Variants in KLHL32 observed in about 807,000 individuals in gnomAD.
The protein encoded by KLHL32 is kelch-like protein 32.
A neutral mutation model predicts 64.8 loss-of-function variants in KLHL32; 35 were observed. The observed-to-expected ratio is 0.54, with a 90% CI of 0.41 to 0.72. The LOEUF (loss-of-function observed/expected upper bound fraction) is 0.72, where lower values mean the gene tolerates loss of function less well. KLHL32 is among the 30% of genes least tolerant of loss of function. The pLI, the probability that KLHL32 is intolerant of heterozygous loss-of-function variation, is 0.00. For synonymous variants in KLHL32, 259 were observed against 281.0 expected (o/e 0.92, Z 0.78); for missense variants, 589 against 768.5 (o/e 0.77, Z 2.76).
chr6:96,904,497 TAAAG>T, the KLHL32 span, among the ~76,000 whole-genome samples: 2 of 152,022 alleles, frequency 1.3e-5, no homozygotes, highest in Non-Finnish European at 2.9e-5. Flanking sequence ...TGAAAGAACA[TAAAG>T]AAACACACAT....
At chr6:96,985,657 A>G (rs1776936529) in intron 3 of KLHL32, among the ~76,000 whole-genome samples, 1 of 152,122 alleles carries the variant, frequency 6.6e-6, no homozygotes, top group African/African-American at 2.4e-5. Context: ...CTTCCAGTTG[A>G]TCGAATCAGC....
At chr6:97,005,734 T>A (rs1779587954) in intron 3 of KLHL32, among the ~76,000 whole-genome samples, 1 of 152,226 alleles carries the variant, frequency 6.6e-6, no homozygotes, top group Non-Finnish European at 1.5e-5. Flanking sequence ...AATTTCACTG[T>A]TTACCCAAGT....
At chr6:96,957,566 A>G (rs1773418235) in intron 1 of KLHL32, among the ~76,000 whole-genome samples, 1 of 152,160 alleles carries the variant, frequency 6.6e-6, no homozygotes, top group South Asian at 2.1e-4. Flanking sequence ...TAATAAAAAA[A>G]TTTTCATAGC....
chr6:97,117,628 C>T (rs555357127), intron 7 of KLHL32, among the ~76,000 whole-genome samples: 58 of 152,254 alleles, frequency 3.8e-4, no homozygotes, highest in South Asian at 2.5e-3. Context: ...GCTCCTGTAG[C>T]GTTTGACATT....
intron 6 of KLHL32, among the ~76,000 whole-genome samples, chr6:97,088,335 C>G (rs538954396): frequency 6.6e-6 from 1 of 152,260 alleles, no homozygotes; most frequent in African/African-American, 2.4e-5. Flanking sequence ...TAAAACTGAA[C>G]AAATCAGCTG....
At chr6:96,934,260 A>G (rs1770294829) in intron 1 of KLHL32, among the ~76,000 whole-genome samples, 3 of 152,174 alleles carry the variant, frequency 2.0e-5, no homozygotes, top group Admixed American at 2.0e-4. Flanking sequence ...ACTGTGTGAG[A>G]ATCTGCATTA....
chr6:96,988,325 T>A (rs1238685808), intron 3 of KLHL32, among the ~76,000 whole-genome samples: 6 of 152,188 alleles, frequency 3.9e-5, no homozygotes, highest in Non-Finnish European at 8.8e-5. Flanking sequence ...AAAGAAGACA[T>A]TTATGCAGCC....
chr6:97,041,368 T>C (rs1785089809), intron 3 of KLHL32, 124 bp from the exon 4 acceptor site: 2 of 636,104 alleles, frequency 3.1e-6, no homozygotes, highest in Admixed American at 5.3e-5. Flanking sequence ...TCTAGAAGCA[T>C]TTCAAAAATC....
intron 3 of KLHL32, among the ~76,000 whole-genome samples, chr6:97,029,048 AG>A (rs1783140315): frequency 6.6e-6 from 1 of 152,222 alleles, no homozygotes; most frequent in Non-Finnish European, 1.5e-5. Flanking sequence ...AAATTTTGTG[AG>A]TTACCCAACT....
chr6:97,051,085 C>A (rs1786827672), intron 4 of KLHL32, among the ~76,000 whole-genome samples: 2 of 152,196 alleles, frequency 1.3e-5, no homozygotes. Flanking sequence ...GGCACCAATT[C>A]TGTGCTGAGG....
intron 3 of KLHL32, among the ~76,000 whole-genome samples, chr6:96,989,411 G>A (rs945195567): frequency 1.3e-5 from 2 of 152,164 alleles, no homozygotes; most frequent in East Asian, 3.9e-4. Flanking sequence ...CTTTAAGAAT[G>A]CTGAATATAG....
intron 5 of KLHL32, among the ~76,000 whole-genome samples, chr6:97,074,181 G>A (rs939430085): frequency 2.0e-5 from 3 of 152,178 alleles, no homozygotes; most frequent in Non-Finnish European, 2.9e-5. Flanking sequence ...GATTATGCAA[G>A]GAATCATCTG....
chr6:97,042,088 C>T (rs1045825971), intron 4 of KLHL32, among the ~76,000 whole-genome samples: 1 of 152,084 alleles, frequency 6.6e-6, no homozygotes, highest in Non-Finnish European at 1.5e-5. Context: ...ACATTAATGA[C>T]CAAAGTTGTT....
intron 2 of KLHL32, among the ~76,000 whole-genome samples, chr6:96,970,249 C>T (rs1774966463): frequency 6.6e-6 from 1 of 152,168 alleles, no homozygotes; most frequent in Non-Finnish European, 1.5e-5. Context: ...ATGACCTTTT[C>T]TGTGACTTCC....
upstream of KLHL32, among the ~76,000 whole-genome samples, chr6:96,924,221 G>A (rs1181472619): frequency 6.6e-6 from 1 of 152,204 alleles, no homozygotes; most frequent in Non-Finnish European, 1.5e-5. Flanking sequence ...AGTTAGCAGA[G>A]CAAGGACTCC....
At chr6:97,067,750 G>C (rs1031199547) in intron 5 of KLHL32, among the ~76,000 whole-genome samples, 38 of 152,094 alleles carry the variant, frequency 2.5e-4, no homozygotes, top group African/African-American at 8.9e-4. Flanking sequence ...TAGCTACCCT[G>C]ATCATCATTC....
At chr6:96,946,163 G>C (rs1016574061) in intron 1 of KLHL32, among the ~76,000 whole-genome samples, 2 of 149,502 alleles carry the variant, frequency 1.3e-5, no homozygotes, top group Admixed American at 6.7e-5. Flanking sequence ...CAAAATATGA[G>C]TTTATTTAGG....
At chr6:97,022,740 G>A (rs558257691) in intron 3 of KLHL32, among the ~76,000 whole-genome samples, 58 of 152,278 alleles carry the variant, frequency 3.8e-4, no homozygotes, top group African/African-American at 1.3e-3. Context: ...AAAGTGCTGG[G>A]ATTATAGGCA....
At chr6:96,925,481 C>G (rs922201353) in intron 1 of KLHL32, among the ~76,000 whole-genome samples, 1 of 152,146 alleles carries the variant, frequency 6.6e-6, no homozygotes, top group South Asian at 2.1e-4. Flanking sequence ...AAAAAGGATT[C>G]GTCAGATGAA....
Sources: gnomAD v4.1 joint callset for allele counts (sites outside exome capture counted in the v4.1 genomes callset) on GRCh38, gnomAD v4.1.1 for gene constraint, MANE v1.5 for transcripts, NCBI Gene and HGNC (gene_info 2026-07-23, HGNC 2026-07-21) for gene names.